Variants in SCN2A observed in about 807,000 individuals in gnomAD.
SCN2A encodes sodium channel protein type 2 subunit alpha.
Under a neutral mutation model 188.7 loss-of-function variants are expected in SCN2A, and 20 were observed. The ratio of observed to expected loss-of-function variants is 0.11; its 90% CI spans 0.07 to 0.15. SCN2A has a LOEUF of 0.15. Among genes scored for constraint, SCN2A ranks in the 10% least tolerant of loss-of-function variants. SCN2A has a pLI of 1.00. For missense variants in SCN2A, 1,278 were observed against 2,445.0 expected (o/e 0.52, Z 10.07); for synonymous variants, 804 against 833.1 (o/e 0.97, Z 0.60).
chr2:165,297,222 G>T (rs1291087981), intron 3 of SCN2A, 87 bp downstream of exon 3: 2 of 784,246 alleles, frequency 2.6e-6, no homozygotes, highest in African/African-American at 1.7e-5. Flanking sequence ...TCTGTGGTTG[G>T]CAATGTTATG....
Position 165,296,130 on chromosome 2 carries a change from A to G in SCN2A, c.267+40A>G, listed in dbSNP as rs765021122. 3.1e-6 allele frequency: 5 copies of G among 1,593,702 alleles called. No individual in the cohort carries two copies. In the South Asian group the frequency reaches 5.5e-5, roughly 18 times the overall value. On this transcript the variant is annotated intron_variant, in intron 2 of 26. Transcript: ENST00000375437. ...AAGTTGCCTTCACTGCCTATTTACT[A>G]ATTGGTTCTGGGCTAGTCCCAGGGA...
At chr2:165,367,116 A>G (rs1219469500) in intron 18 of SCN2A, 101 bp from the exon 19 acceptor site, 11 of 1,116,890 alleles carry the variant, frequency 9.8e-6, no homozygotes, top group Non-Finnish European at 1.5e-5. Context: ...TGTTATTTAC[A>G]ATGTATTATC....
intron 1 of SCN2A, among the ~76,000 whole-genome samples, chr2:165,247,580 A>G (rs999526144): frequency 2.6e-5 from 4 of 151,494 alleles, no homozygotes; most frequent in African/African-American, 9.7e-5. Flanking sequence ...CACAATTTTG[A>G]CTCTTCTCTT....
intron 17 of SCN2A, among the ~76,000 whole-genome samples, chr2:165,354,916 A>G (rs1028084211): frequency 2.6e-5 from 4 of 152,180 alleles, no homozygotes; most frequent in Non-Finnish European, 5.9e-5. Flanking sequence ...AGTATTCTTG[A>G]TATGAATTTT....
chr2:165,295,958 T>A lies in SCN2A; in HGVS notation c.135T>A (p.Asp45Glu). 2 of 1,614,104 alleles carry A rather than the reference T, an allele frequency of 1.2e-6. No individual in the cohort carries two copies. The highest frequency in any genetic ancestry group is 1.7e-6 in the Non-Finnish European group (2 of 1,180,020). The part of the protein sequence containing the change: ...KRPKQERKDE[D>E]DENGPKPNSD... ...CCAAACAGGAACGCAAGGATGAGGATGATGAAAATGGCCCAAAGCCAAACA... is the reference window on the plus strand; with the variant it reads ...CCAAACAGGAACGCAAGGATGAGGAAGATGAAAATGGCCCAAAGCCAAACA... The change falls in exon 2 of 27, where the codon GAT becomes GAA. Residue 45 changes from aspartate (D) to glutamate (E), a missense_variant. Asp to Glu is a conservative substitution (Grantham distance 45). This residue lies in a region of SCN2A where 141 missense variants were observed against 185.4 expected (regional missense o/e 0.76). Transcript: ENST00000375437.
intron 3 of SCN2A, among the ~76,000 whole-genome samples, chr2:165,299,071 A>C (rs920549716): frequency 6.6e-6 from 1 of 152,174 alleles, no homozygotes; most frequent in Non-Finnish European, 1.5e-5. Context: ...TTTGTAATAG[A>C]CCATGGAAAA....
chr2:165,355,091 C>A (rs147293871), intron 17 of SCN2A, among the ~76,000 whole-genome samples: 1 of 152,076 alleles, frequency 6.6e-6, no homozygotes, highest in Admixed American at 6.6e-5. Flanking sequence ...TTAATTCTTA[C>A]GAAATACGTC....
chr2:165,288,339 TG>T (rs1462524609), intron 1 of SCN2A, among the ~76,000 whole-genome samples: 1 of 152,118 alleles, frequency 6.6e-6, no homozygotes, highest in Non-Finnish European at 1.5e-5. Flanking sequence ...TTTAGACTTT[TG>T]TTACCTAAAA....
chr2:165,367,323 G>T lies in SCN2A; in HGVS notation c.3627G>T (p.Trp1209Cys), dbSNP rs777802941. Residue 1209 changes from tryptophan to cysteine, a missense_variant, in exon 19 of 27, where the codon TGG becomes TGT. Trp to Cys is a radical substitution (Grantham distance 215). This residue lies in a region of SCN2A where 228 missense variants were observed against 297.3 expected (regional missense o/e 0.77). Transcript: ENST00000375437. Reference sequence around the variant, plus strand: ...GCTATAAGATAGTGGAGCACAATTGGTTCGAAACCTTCATTGTCTTCATGA... The same window carrying T: ...GCTATAAGATAGTGGAGCACAATTGTTTCGAAACCTTCATTGTCTTCATGA... ...KTCYKIVEHNWFETFIVFMIL... is the reference protein window; with the variant it reads ...KTCYKIVEHNCFETFIVFMIL... 2.5e-6 allele frequency: 4 copies of T among 1,614,170 alleles called. No individual in the cohort carries two copies. Among genetic ancestry groups the T allele is most frequent in the Non-Finnish European group, 3.4e-6 (4 of 1,180,016 alleles).
intron 25 of SCN2A, among the ~76,000 whole-genome samples, chr2:165,386,024 T>G (rs1316933518): frequency 6.6e-6 from 1 of 152,162 alleles, no homozygotes; most frequent in Admixed American, 6.5e-5. Context: ...CAAATACATT[T>G]GAATACAGTT....
intron 24 of SCN2A, 28 bp downstream of exon 24, chr2:165,380,757 T>C (rs1346513380): frequency 1.3e-6 from 2 of 1,518,846 alleles, no homozygotes; most frequent in Non-Finnish European, 1.8e-6. Flanking sequence ...TCATCCTTGC[T>C]CTGAAATATG....
chr2:165,243,525 C>T (rs542544508), intron 1 of SCN2A, among the ~76,000 whole-genome samples: 42 of 151,678 alleles, frequency 2.8e-4, no homozygotes, highest in Non-Finnish European at 5.6e-4. Context: ...TCGCTTGAAC[C>T]TGGGAGGCGG....
chr2:165,327,101 A>G, intron 13 of SCN2A, 117 bp downstream of exon 13: 2 of 1,303,652 alleles, frequency 1.5e-6, no homozygotes, highest in Non-Finnish European at 2.2e-6. Context: ...TACACATTTT[A>G]CTAAATAACA....
rs563601897 is a variant in SCN2A at position 165,284,142 on chromosome 2, T to C, written c.-51-11631T>C. 6.6e-5 allele frequency among the ~76,000 whole-genome samples: 10 copies of C among 152,196 alleles called. No homozygotes were observed. In the East Asian group the frequency reaches 1.9e-3, roughly 29 times the overall value. On this transcript the variant is annotated intron_variant, in intron 1 of 26. Coordinates refer to ENST00000375437, the MANE Select transcript of SCN2A (RefSeq NM_001040142.2). ...TACACTTTGGAATGTAGCTATTTTTTGAGCATTGTTTTATTATTATTTAAT... is the reference window on the plus strand; with the variant it reads ...TACACTTTGGAATGTAGCTATTTTTCGAGCATTGTTTTATTATTATTTAAT...
rs777284484 is a variant in SCN2A, at chr2:165,308,780, A to T, written c.591A>T (p.Thr197=). The T allele has an allele frequency of 6.2e-7, 1 of 1,612,842 alleles. No individual in the cohort carries two copies. The highest frequency in any genetic ancestry group is 8.5e-7 in the Non-Finnish European group (1 of 1,179,078). Residue 197 remains threonine (T), a synonymous_variant, in exon 5 of 27, where the codon ACA becomes ACT. Coordinates refer to ENST00000375437, the MANE Select transcript of SCN2A (RefSeq NM_001040142.2). ...LRDPWNWLDF[T]VITFAYVTEF... is the part of the protein sequence containing the mutation. ...ATCCATGGAATTGGTTGGATTTCAC[A>T]GTCATTACTTTTGCGTAAGTATCTT...
chr2:165,323,957 T>C (rs769425690), intron 12 of SCN2A, among the ~76,000 whole-genome samples: 1 of 152,206 alleles, frequency 6.6e-6, no homozygotes, highest in Non-Finnish European at 1.5e-5. Context: ...CAACATTGCC[T>C]CTCTTTGCAG....
At chr2:165,359,515 A>G (rs1700347577) in intron 17 of SCN2A, among the ~76,000 whole-genome samples, 1 of 152,110 alleles carries the variant, frequency 6.6e-6, no homozygotes, top group African/African-American at 2.4e-5. Flanking sequence ...CAATCCTCAC[A>G]TTATGGCAAT....
chr2:165,375,864 G>A (rs1316465305), intron 22 of SCN2A, among the ~76,000 whole-genome samples: 1 of 151,598 alleles, frequency 6.6e-6, no homozygotes, highest in East Asian at 1.9e-4. Flanking sequence ...CAATGAAATA[G>A]TATTCAGCCT....
chr2:165,246,624 G>T (rs1055906531), intron 1 of SCN2A, among the ~76,000 whole-genome samples: 5 of 151,992 alleles, frequency 3.3e-5, no homozygotes, highest in Non-Finnish European at 7.4e-5. Context: ...GTCACTCCTT[G>T]TATATACATA....
Sources: allele counts gnomAD v4.1 joint callset (sites outside exome capture counted in the v4.1 genomes callset), GRCh38; gene constraint gnomAD v4.1.1; regional missense constraint gnomAD v4.1.1; transcripts MANE v1.5; gene names NCBI Gene and HGNC (gene_info 2026-07-23, HGNC 2026-07-21).